Variants in TTC6 observed in about 807,000 individuals in gnomAD.
The protein encoded by TTC6 is tetratricopeptide repeat domain 6, also known as tetratricopeptide repeat protein 6.
A neutral mutation model predicts 210.4 loss-of-function variants in TTC6; 172 were observed. The ratio of observed to expected loss-of-function variants is 0.82; its 90% confidence interval spans 0.72 to 0.93. TTC6 has a LOEUF of 0.93. TTC6 is among the 40% of genes least tolerant of loss of function. The pLI, the probability that TTC6 is intolerant of heterozygous loss-of-function variation, is 0.00. For synonymous variants in TTC6, 804 were observed against 819.6 expected (o/e 0.98, Z 0.32); for missense variants, 2,414 against 2,318.1 (o/e 1.04, Z -0.85).
chr14:37,841,106 T>C (rs1002826938), intron 29 of TTC6, among the ~76,000 whole-genome samples: 9 of 152,176 alleles, frequency 5.9e-5, no homozygotes, highest in Non-Finnish European at 1.3e-4. Flanking sequence ...TGACCTCAGG[T>C]GATCCACCCG....
chr14:37,832,248 A>G (rs1221826029), intron 29 of TTC6, among the ~76,000 whole-genome samples: 3 of 151,124 alleles, frequency 2.0e-5, no homozygotes, highest in Non-Finnish European at 2.9e-5. Flanking sequence ...TTACAAAAAT[A>G]TAACTTCATT....
intron 15 of TTC6, among the ~76,000 whole-genome samples, chr14:37,789,158 A>G (rs1447949651): frequency 6.6e-6 from 1 of 152,186 alleles, no homozygotes; most frequent in African/African-American, 2.4e-5. Context: ...TAATAATGAT[A>G]TCTAACATTT....
At chr14:37,826,197 C>T in exon 28 of TTC6, 1 of 1,572,664 alleles carries the variant, frequency 6.4e-7, no homozygotes, top group Non-Finnish European at 8.7e-7. Context: ...TATTTTAGGC[C>T]CAAGGAAAAT....
At position 37,773,110 on chromosome 14, in the gene TTC6, T is replaced by TTTTG. The variant is rs1237894819; in HGVS notation, c.3267-14343_3267-14340dup. 2.0e-5 allele frequency among the ~76,000 whole-genome samples: 3 copies of TTTTG among 152,142 alleles called. No homozygotes were observed. The East Asian group carries it at 5.8e-4, about 29-fold the overall frequency. ...TTTTAATGCTATTGTGTGTGGGTTT[T>TTTTG]TTTGTTTGTTTGTTTGTTCATTTGT... On this transcript the variant is annotated intron_variant, in intron 14 of 30. Transcript: ENST00000553443.
At chr14:37,652,238 G>T (rs541838071) in intron 1 of TTC6, among the ~76,000 whole-genome samples, 7 of 152,172 alleles carry the variant, frequency 4.6e-5, no homozygotes, top group African/African-American at 1.4e-4. Flanking sequence ...GGTAAAAAAT[G>T]ATCAGATCAG....
intron 6 of TTC6, among the ~76,000 whole-genome samples, chr14:37,719,255 G>A (rs1303138337): frequency 6.6e-6 from 1 of 151,540 alleles, no homozygotes; most frequent in Non-Finnish European, 1.5e-5. Flanking sequence ...GAAGAATCAG[G>A]ATAGTAAACA....
chr14:37,689,599 G>C (rs1355035120), intron 3 of TTC6, among the ~76,000 whole-genome samples: 4 of 152,098 alleles, frequency 2.6e-5, no homozygotes, highest in African/African-American at 9.7e-5. Flanking sequence ...ATACAATAGA[G>C]CTCCAATATG....
chr14:37,633,335 C>T (rs1266313849), intron 1 of TTC6, among the ~76,000 whole-genome samples: 1 of 152,156 alleles, frequency 6.6e-6, no homozygotes, highest in Non-Finnish European at 1.5e-5. Context: ...ATGCAATGTT[C>T]TTCATGGCAC....
intron 2 of TTC6, among the ~76,000 whole-genome samples, chr14:37,680,549 A>G (rs2095781270): frequency 6.6e-6 from 1 of 152,164 alleles, no homozygotes. Context: ...TAGGTGGATA[A>G]TTAATTAAAA....
intron 1 of TTC6, among the ~76,000 whole-genome samples, chr14:37,604,311 G>T (rs981399076): frequency 6.6e-6 from 1 of 152,192 alleles, no homozygotes; most frequent in Non-Finnish European, 1.5e-5. Context: ...CCATCCGAAG[G>T]AGATCCAGAG....
In TTC6 at chr14:37,671,164, A is replaced by G. The variant is rs529049311; in HGVS notation, c.940-8987A>G. The stretch of plus-strand genomic sequence containing the variant: ...TGAGACTGAGGGATCTGCTCCCAGG[A>G]TGCCTCAGTCATAAGACTGGCAATT... On this transcript the variant is annotated intron_variant, in intron 1 of 30. Coordinates refer to ENST00000553443, the Ensembl canonical transcript of TTC6. Among the ~76,000 whole-genome samples the G allele has an allele frequency of 5.7e-4, 87 of 152,248 alleles. 1 individual carries two copies. Among genetic ancestry groups the G allele is most frequent in the Non-Finnish European group, 1.1e-3 (76 of 68,018 alleles).
intron 14 of TTC6, among the ~76,000 whole-genome samples, chr14:37,757,095 G>A (rs1034063432): frequency 2.6e-5 from 4 of 152,040 alleles, no homozygotes; most frequent in African/African-American, 7.2e-5. Context: ...TATGTGTCCA[G>A]GAATTTATCC....
intron 7 of TTC6, among the ~76,000 whole-genome samples, chr14:37,725,311 T>C (rs2095869790): frequency 1.7e-5 from 1 of 57,814 alleles, no homozygotes; most frequent in Admixed American, 1.6e-4. Flanking sequence ...TGTGTGTGTG[T>C]GTATATATAT....
intron 1 of TTC6, among the ~76,000 whole-genome samples, chr14:37,628,117 T>A (rs1595031544): frequency 6.6e-6 from 1 of 152,314 alleles, no homozygotes; most frequent in East Asian, 1.9e-4. Flanking sequence ...ATTGCAGGCA[T>A]GTCCCACCAC....
rs573227065 is a variant in TTC6, at chr14:37,736,157, G to A, written c.1908+147G>A. ...TCCCGGCATTTTGGGAGTCTGAGGT[G>A]GGCAGATCACTTGAGGCCAGGAGTT... On this transcript the variant is annotated intron_variant, in intron 8 of 30. Transcript: ENST00000553443. 3.2e-4 allele frequency: 177 copies of A among 550,160 alleles called. 3 individuals carry two copies. In the South Asian group the frequency reaches 4.1e-3, roughly 13 times the overall value. The allele number at this position is 550,160 out of a possible 1,614,324, so 34.1% of individuals were successfully genotyped here.
chr14:37,640,204 A>G (rs1324843282), intron 1 of TTC6, among the ~76,000 whole-genome samples: 1 of 151,860 alleles, frequency 6.6e-6, no homozygotes, highest in Non-Finnish European at 1.5e-5. Context: ...GAATGCATGT[A>G]TATTGTTTTC....
intron 1 of TTC6, among the ~76,000 whole-genome samples, chr14:37,596,274 T>G (rs917006386): frequency 1.3e-5 from 2 of 152,282 alleles, no homozygotes; most frequent in African/African-American, 4.8e-5. Flanking sequence ...GGAGGGGACA[T>G]CTCCCATAAC....
intron 1 of TTC6, among the ~76,000 whole-genome samples, chr14:37,667,633 A>G (rs2095750717): frequency 6.6e-6 from 1 of 150,864 alleles, no homozygotes; most frequent in South Asian, 2.1e-4. Flanking sequence ...TATTTTTATT[A>G]ATCTTTTCTT....
intron 25 of TTC6, among the ~76,000 whole-genome samples, chr14:37,815,355 G>A (rs144457844): frequency 0.012 from 1,853 of 152,188 alleles, 27 homozygotes; most frequent in African/African-American, 0.042. Context: ...TCAGGGTGGC[G>A]GGGTGATGGT....
Sources: gnomAD v4.1 joint callset for allele counts (sites outside exome capture counted in the v4.1 genomes callset) on GRCh38, gnomAD v4.1.1 for gene constraint, MANE v1.5 for transcripts, NCBI Gene and HGNC (gene_info 2026-07-23, HGNC 2026-07-21) for gene names.